Variants in OTOF observed in about 807,000 individuals in gnomAD.
The protein encoded by OTOF is otoferlin, also known as fer-1-like family member 2.
Under a neutral mutation model 236.8 loss-of-function variants are expected in OTOF, and 218 were observed. That is an observed-to-expected ratio of 0.92 (90% confidence interval 0.82 to 1.03). The LOEUF (loss-of-function observed/expected upper bound fraction) is 1.03, where lower values mean the gene tolerates loss of function less well. Ranked by LOEUF, OTOF falls within the 50% of genes least tolerant of loss-of-function variation. The probability of loss-of-function intolerance (pLI) is 0.00; values close to 1 mark genes in which losing one functional copy is unlikely to be tolerated. For synonymous variants in OTOF, 1,041 were observed against 1,072.5 expected, an observed-to-expected ratio of 0.97 and a Z score of 0.57; for missense variants, 2,590 against 2,694.4, an observed-to-expected ratio of 0.96 and a Z score of 0.86.
At chr2:26,539,578 A>T (rs917822005) in intron 1 of OTOF, among the ~76,000 whole-genome samples, 2 of 152,104 alleles carry the variant, frequency 1.3e-5, no homozygotes, top group Non-Finnish European at 2.9e-5. Flanking sequence ...TCTACTAAAA[A>T]TACAAAAATA....
chr2:26,527,062 C>A (rs2148112146), intron 3 of OTOF, among the ~76,000 whole-genome samples: 1 of 152,262 alleles, frequency 6.6e-6, no homozygotes, highest in South Asian at 2.1e-4. Flanking sequence ...TTCTCATGGC[C>A]CAGAGAGAAG....
rs568524102 is a variant in OTOF at position 26,487,091 on chromosome 2, G to A, written c.1045+2120C>T. ...ACAGTTTCCTGATGTTGCATCTGGT[G>A]GTACAAATGACAAAATGTGGTCCTG... On this transcript the variant is annotated intron_variant, in intron 11 of 46. Transcript: ENST00000272371. 7.9e-5 allele frequency among the ~76,000 whole-genome samples: 12 copies of A among 152,278 alleles called. No individual in the cohort carries two copies. The South Asian group carries it at 2.5e-3, about 32-fold the overall frequency.
At chr2:26,472,764 GA>G (rs1665054484) in intron 29 of OTOF, 115 bp from the exon 30 acceptor site, 20 of 1,064,916 alleles carry the variant, frequency 1.9e-5, no homozygotes, top group Non-Finnish European at 2.8e-5. Context: ...TTCTGAGGGA[GA>G]GGGGGACAGG....
In OTOF at chr2:26,516,561, G is replaced by A. The variant is rs61747283; in HGVS notation, c.366C>T (p.Asp122=). The A allele has an allele frequency of 4.9e-4, 785 of 1,610,492 alleles. 6 individuals are homozygous for A. In the African/African-American group the frequency reaches 9.5e-3, roughly 19 times the overall value. ...LCVEVRYQAT[D]GTVGSWDDGD... The stretch of plus-strand genomic sequence containing the variant: ...CATCGTCCCAGGAGCCCACTGTGCC[G>A]TCAGTGGCCTGATACCGGACCTCCA... Residue 122 remains aspartate (D), a synonymous_variant, in exon 5 of 47, where the codon GAC becomes GAT. Transcript: ENST00000272371.
At chr2:26,466,149 C>T in intron 36 of OTOF, 73 bp from the exon 37 acceptor site, 2 of 1,592,768 alleles carry the variant, frequency 1.3e-6, no homozygotes, top group Non-Finnish European at 1.7e-6. Context: ...GCCAGGCTGC[C>T]TGAGGGTCCT....
At chr2:26,551,033 A>G (rs1291065671) in intron 1 of OTOF, among the ~76,000 whole-genome samples, 1 of 152,014 alleles carries the variant, frequency 6.6e-6, no homozygotes, top group East Asian at 1.9e-4. Flanking sequence ...TCTGTCGCCC[A>G]GGCTGGAGTG....
At chr2:26,536,577 T>C (rs1667075392) in intron 2 of OTOF, among the ~76,000 whole-genome samples, 2 of 152,062 alleles carry the variant, frequency 1.3e-5, no homozygotes, top group African/African-American at 4.8e-5. Flanking sequence ...CCACATCGTG[T>C]GGCCTGGTTT....
At chr2:26,468,524 A>T (rs1413574953) in intron 32 of OTOF, 50 bp from the exon 33 acceptor site, 1 of 1,479,506 alleles carries the variant, frequency 6.8e-7, no homozygotes, top group Non-Finnish European at 9.5e-7. Flanking sequence ...CCTGGGGAGG[A>T]GTCTGTTGAC....
intron 3 of OTOF, among the ~76,000 whole-genome samples, chr2:26,525,543 G>A (rs543348364): frequency 6.6e-6 from 1 of 152,310 alleles, no homozygotes; most frequent in East Asian, 1.9e-4. Context: ...GGAGGGTAGG[G>A]GCAGGGACTG....
rs1282230221 is a variant in OTOF at position 26,466,827 on chromosome 2, G to C, written c.4387C>G (p.Pro1463Ala). 1.9e-6 allele frequency: 3 copies of C among 1,614,222 alleles called. No homozygotes were observed. The highest frequency in any genetic ancestry group is 1.7e-5 in the Admixed American group (1 of 60,026). ...FKGSLCVYKV[P>A]LPEDVSREAG... is the part of the protein sequence containing the mutation. Reference sequence around the variant, plus strand: ...TCCCGGGACACGTCCTCTGGGAGTGGCACTTTGTACACGCAGAGGGAGCCC... The same window carrying C: ...TCCCGGGACACGTCCTCTGGGAGTGCCACTTTGTACACGCAGAGGGAGCCC... The change falls in exon 36 of 47, where the codon CCA becomes GCA. Residue 1463 changes from proline to alanine, a missense_variant. Transcript: ENST00000272371.
rs779401421 is a variant in OTOF at position 26,460,863 on chromosome 2, A to G, written c.5701T>C (p.Phe1901Leu). 1.2e-6 allele frequency: 2 copies of G among 1,613,530 alleles called. No homozygotes were observed. Among genetic ancestry groups the G allele is most frequent in the Non-Finnish European group, 8.5e-7 (1 of 1,179,828 alleles). The change falls in exon 44 of 47, where the codon TTT becomes CTT. Residue 1901 changes from phenylalanine (F) to leucine (L), a missense_variant. Phe to Leu is a conservative substitution (Grantham distance 22). Transcript: ENST00000272371. The surrounding 1 kb of genome is among the most constrained non-coding windows in gnomAD (Gnocchi z 5.3). ...PLLARNENDE[F>L]ELTGKVEAEL... ...GAAGGGGTGCGCACCGTGAGCTCAAACTCATCGTTCTCATTGCGGGCCAGG... is the reference window on the plus strand; with the variant it reads ...GAAGGGGTGCGCACCGTGAGCTCAAGCTCATCGTTCTCATTGCGGGCCAGG...
At chr2:26,521,464 C>T (rs1572473835) in intron 3 of OTOF, among the ~76,000 whole-genome samples, 2 of 152,184 alleles carry the variant, frequency 1.3e-5, no homozygotes, top group East Asian at 3.8e-4. Context: ...GCCTGAATCT[C>T]AGATCTTATA....
rs1443042686 is a variant in OTOF, at chr2:26,473,213, C to T, written c.3652G>A (p.Val1218Met). 6.2e-7 allele frequency: 1 copy of T among 1,613,258 alleles called. No homozygotes were observed. Residue 1218 changes from valine (V) to methionine (M), a missense_variant, in exon 29 of 47, where the codon GTG becomes ATG. By Grantham distance (21) the Val-to-Met change is conservative. This residue lies in a region of OTOF where 1,211 missense variants were observed against 1,352.8 expected (regional missense o/e 0.90). Transcript: ENST00000272371. This position sits in a 1 kb window ranked among gnomAD's most constrained non-coding sequence, Gnocchi z 7.2. ...AGGGAGCTGACGGCATGGGAGCCCA[C>T]CAGTGTGTAGCGACCGAAGGCCCGG... is the stretch of plus-strand genomic sequence containing the variant. ...DCRAFGRYTL[V>M]GSHAVSSLRR... is the part of the protein sequence containing the mutation.
intron 22 of OTOF, among the ~76,000 whole-genome samples, chr2:26,476,645 T>C (rs1482660122): frequency 8.3e-5 from 1 of 11,996 alleles, no homozygotes; most frequent in Admixed American, 8.6e-4. Flanking sequence ...TTCCCCCACC[T>C]CCTTCCCCAC....
At chr2:26,475,746 G>A (rs1172111740) in intron 24 of OTOF, among the ~76,000 whole-genome samples, 168 bp downstream of exon 24, 2 of 152,088 alleles carry the variant, frequency 1.3e-5, no homozygotes, top group Admixed American at 6.5e-5. Flanking sequence ...AGTGTGACCC[G>A]CGTCTGCTGC....
chr2:26,549,254 AT>A (rs1486515571), intron 1 of OTOF, among the ~76,000 whole-genome samples: 1 of 152,162 alleles, frequency 6.6e-6, no homozygotes, highest in South Asian at 2.1e-4. Flanking sequence ...ACTCTGTAAG[AT>A]TTCAGTCTTT....
chr2:26,494,861 C>T, intron 9 of OTOF, 81 bp downstream of exon 9: 1 of 1,545,046 alleles, frequency 6.5e-7, no homozygotes, highest in Admixed American at 1.7e-5. Context: ...GACTTCCAGC[C>T]ACTCCTATTT....
chr2:26,538,150 C>T (rs1259706423), intron 1 of OTOF, among the ~76,000 whole-genome samples: 5 of 152,222 alleles, frequency 3.3e-5, no homozygotes, highest in East Asian at 3.8e-4. Flanking sequence ...CTGGTGGCTC[C>T]GGGCCCTGCT....
At chr2:26,464,127 G>C in intron 39 of OTOF, 21 bp from the exon 40 acceptor site, 1 of 1,612,738 alleles carries the variant, frequency 6.2e-7, no homozygotes, top group Non-Finnish European at 8.5e-7. Flanking sequence ...CGGCGGCTCA[G>C]CTGCACACAT....
Sources: allele counts gnomAD v4.1 joint callset (sites outside exome capture counted in the v4.1 genomes callset), GRCh38; gene constraint gnomAD v4.1.1; regional missense constraint gnomAD v4.1.1; non-coding constraint Gnocchi (gnomAD v3.1); transcripts MANE v1.5; gene names NCBI Gene and HGNC (gene_info 2026-07-23, HGNC 2026-07-21).